The following OSBPL3 variants were observed in gnomAD, a reference collection of about 807,000 sequenced individuals.
OSBPL3 encodes oxysterol binding protein like 3, also known as oxysterol-binding protein-related protein 3.
OSBPL3 carries 65 observed loss-of-function variants against 120.1 expected under a neutral mutation model. That is an observed-to-expected ratio of 0.54 (90% CI 0.44 to 0.67). The LOEUF (loss-of-function observed/expected upper bound fraction) is 0.67, where lower values mean the gene tolerates loss of function less well. OSBPL3 is among the 30% of genes least tolerant of loss of function. OSBPL3 has a pLI of 0.00. For synonymous variants in OSBPL3, 416 were observed against 402.6 expected, an observed-to-expected ratio of 1.03 and a Z score of -0.40; for missense variants, 1,004 against 1,082.1, an observed-to-expected ratio of 0.93 and a Z score of 1.01.
chr7:24,951,796 C>T (rs1431029881), intron 1 of OSBPL3, among the ~76,000 whole-genome samples: 1 of 152,198 alleles, frequency 6.6e-6, no homozygotes, highest in African/African-American at 2.4e-5. Context: ...TCAGTCTAAA[C>T]AAACACAAAC....
intron 12 of OSBPL3, among the ~76,000 whole-genome samples, chr7:24,844,018 C>G (rs575115863): frequency 2.6e-5 from 4 of 152,190 alleles, no homozygotes; most frequent in Non-Finnish European, 5.9e-5. Flanking sequence ...CTGATGGGTC[C>G]AAAGATTTCC....
chr7:24,860,323 G>A (rs1014513440), intron 10 of OSBPL3, among the ~76,000 whole-genome samples: 1 of 152,112 alleles, frequency 6.6e-6, no homozygotes, highest in African/African-American at 2.4e-5. Flanking sequence ...TGGTTTGGCT[G>A]TGTCCCCACC....
intron 14 of OSBPL3, among the ~76,000 whole-genome samples, chr7:24,840,298 T>TGCAGAA (rs1797577839): frequency 6.6e-6 from 1 of 152,176 alleles, no homozygotes; most frequent in Non-Finnish European, 1.5e-5. Flanking sequence ...CTTCTGCCTC[T>TGCAGAA]GCTACCCTTG....
rs539500419 is a variant in OSBPL3, at chr7:24,966,242, T to C, written c.-150+13644A>G. On this transcript the variant is annotated intron_variant, in intron 1 of 22. Transcript: ENST00000313367. This position sits in a 1 kb window ranked among gnomAD's most constrained non-coding sequence, Gnocchi z 4.8. ...ACCTGCGGAGACCACACACTGCACA[T>C]TTTACAAAAGAAACCAAACTCCCAC... 3.3e-5 allele frequency among the ~76,000 whole-genome samples: 5 copies of C among 152,268 alleles called. No individual in the cohort carries two copies. In the East Asian group the frequency reaches 7.7e-4, roughly 24 times the overall value.
intron 12 of OSBPL3, among the ~76,000 whole-genome samples, chr7:24,845,911 G>A (rs1055396278): frequency 2.0e-5 from 3 of 152,180 alleles, no homozygotes; most frequent in African/African-American, 4.8e-5. Flanking sequence ...AGCTACTTGG[G>A]AGGCCAAAGC....
Position 24,820,937 on chromosome 7 carries a change from A to G in OSBPL3, c.1885-699T>C, listed in dbSNP as rs1452727692. ...AATAAGTAATCTCATTCCAGAAAAG[A>G]GAATCCCCTGGAGCAGAGAGTGCCC... On this transcript the variant is annotated intron_variant, in intron 16 of 22. Coordinates refer to ENST00000313367, the MANE Select transcript of OSBPL3 (RefSeq NM_015550.4). The surrounding 1 kb of genome is among the most constrained non-coding windows in gnomAD (Gnocchi z 4.6). 6.6e-6 allele frequency among the ~76,000 whole-genome samples: 1 copy of G among 152,228 alleles called. No individual in the cohort carries two copies. The highest frequency in any genetic ancestry group is 1.5e-5 in the Non-Finnish European group (1 of 68,030).
In OSBPL3 at chr7:24,804,544, CCTATA is replaced by C. The variant is rs1792794209; in HGVS notation, c.2445-112_2445-108del. On this transcript the variant is annotated intron_variant, in intron 21 of 22. Transcript: ENST00000313367. This position sits in a 1 kb window ranked among gnomAD's most constrained non-coding sequence, Gnocchi z 5.4. ...CACGACTGGATATTCAAAATCCTCT[CCTATA>C]CGTAAGACCCCGCCCCAACCGTTTA... 1 of 1,062,838 alleles carries C rather than the reference CCTATA, an allele frequency of 9.4e-7. No homozygotes were observed. The highest frequency in any genetic ancestry group is 1.5e-5 in the South Asian group (1 of 66,524). 65.8% of individuals were successfully genotyped at this position (1,062,838 alleles called of 1,614,324 possible).
Position 24,819,534 on chromosome 7 carries a change from G to C in OSBPL3, c.1948+641C>G, listed in dbSNP as rs543853766. On this transcript the variant is annotated intron_variant, in intron 17 of 22. Transcript: ENST00000313367. This position sits in a 1 kb window ranked among gnomAD's most constrained non-coding sequence, Gnocchi z 4.1. ...TGTTTCGTACTTTTAAAGTTTAATAGACTGCGTGTGTGTGTGTGCCTGTGT... is the reference window on the plus strand; with the variant it reads ...TGTTTCGTACTTTTAAAGTTTAATACACTGCGTGTGTGTGTGTGCCTGTGT... Among the ~76,000 whole-genome samples, 69 of 152,158 alleles carry C rather than the reference G, an allele frequency of 4.5e-4. No homozygotes were observed. The highest frequency in any genetic ancestry group is 1.2e-3 in the Admixed American group (18 of 15,274).
intron 5 of OSBPL3, 92 bp downstream of exon 5, chr7:24,870,640 G>T: frequency 2.6e-6 from 2 of 780,796 alleles, no homozygotes; most frequent in Non-Finnish European, 2.3e-6. Context: ...TCTACATGTT[G>T]GCCGAATACC....
rs1814525752 is a variant in OSBPL3 at position 24,952,221 on chromosome 7, A to G, written c.-150+27665T>C. 6.6e-6 allele frequency among the ~76,000 whole-genome samples: 1 copy of G among 152,230 alleles called. No homozygotes were observed. ...GCACAAAATTCTGCTCAATAGGCTGATATTTCATGTGGGTTAGGATCTGTA... is the reference window on the plus strand; with the variant it reads ...GCACAAAATTCTGCTCAATAGGCTGGTATTTCATGTGGGTTAGGATCTGTA... On this transcript the variant is annotated intron_variant, in intron 1 of 22. Coordinates refer to ENST00000313367, the MANE Select transcript of OSBPL3 (RefSeq NM_015550.4). This position sits in a 1 kb window ranked among gnomAD's most constrained non-coding sequence, Gnocchi z 4.4.
At position 24,817,378 on chromosome 7, in the gene OSBPL3, G is replaced by A. The variant is rs10951030; in HGVS notation, c.1949-690C>T. ...TTAAAAATACAAAAATTAGCTGGGC[G>A]TTGTGGTGGGTGCCTGTAGTCCCAG... On this transcript the variant is annotated intron_variant, in intron 17 of 22. Coordinates refer to ENST00000313367, the MANE Select transcript of OSBPL3 (RefSeq NM_015550.4). This position sits in a 1 kb window ranked among gnomAD's most constrained non-coding sequence, Gnocchi z 4.0. Among the ~76,000 whole-genome samples the A allele has an allele frequency of 0.13, 19,339 of 152,094 alleles. 1,808 individuals are homozygous for A. The highest frequency in any genetic ancestry group is 0.51 in the East Asian group (2,637 of 5,174).
chr7:24,897,118 C>A (rs1806261499), intron 1 of OSBPL3, among the ~76,000 whole-genome samples: 1 of 150,970 alleles, frequency 6.6e-6, no homozygotes, highest in South Asian at 2.1e-4. Context: ...GGCAGGCAGG[C>A]AGGCAAGAAG....
intron 19 of OSBPL3, among the ~76,000 whole-genome samples, chr7:24,812,552 T>G (rs925386457): frequency 5.3e-5 from 8 of 152,180 alleles, no homozygotes; most frequent in African/African-American, 1.7e-4. Flanking sequence ...TAGAGTTGGT[T>G]TTTTTTGTTT....
chr7:24,968,437 C>A lies in OSBPL3; in HGVS notation c.-150+11449G>T, dbSNP rs1816630215. Among the ~76,000 whole-genome samples, 1 of 152,178 alleles carries A rather than the reference C, an allele frequency of 6.6e-6. No individual in the cohort carries two copies. The highest frequency in any genetic ancestry group is 2.1e-4 in the South Asian group (1 of 4,838). On this transcript the variant is annotated intron_variant, in intron 1 of 22. Coordinates refer to ENST00000313367, the MANE Select transcript of OSBPL3 (RefSeq NM_015550.4). The surrounding 1 kb of genome is among the most constrained non-coding windows in gnomAD (Gnocchi z 4.6). ...TTTGAGTCGGAGTCTCCCTCTGTCACCCAGACTGGAGTGCAGTGGCGTGAT... is the reference window on the plus strand; with the variant it reads ...TTTGAGTCGGAGTCTCCCTCTGTCAACCAGACTGGAGTGCAGTGGCGTGAT...
rs751556878 is a variant in OSBPL3 at position 24,804,367 on chromosome 7, T to C, written c.2515A>G (p.Arg839Gly). 1 of 1,614,136 alleles carries C rather than the reference T, an allele frequency of 6.2e-7. No homozygotes were observed. The highest frequency in any genetic ancestry group is 2.2e-5 in the East Asian group (1 of 44,886). The change falls in exon 22 of 23, where the codon AGG (arginine) becomes GGG (glycine). Residue 839 changes from arginine to glycine, a missense_variant. Arg to Gly is a moderately radical substitution (Grantham distance 125). This residue lies in a region of OSBPL3 where 473 missense variants were observed against 568.0 expected (regional missense o/e 0.83). Coordinates refer to ENST00000313367, the MANE Select transcript of OSBPL3 (RefSeq NM_015550.4). The surrounding 1 kb of genome is among the most constrained non-coding windows in gnomAD (Gnocchi z 5.4). ...KQRIEQLQRE[R>G]RRVLEENHVE... is the part of the protein sequence containing the mutation. ...TGATTTTCTTCTAAGACCCGCCGCC[T>C]TTCTCTCTGCAGTTGTTCAATCCTC...
rs1324638117 is a variant in OSBPL3 at position 24,959,783 on chromosome 7, C to A, written c.-150+20103G>T. On this transcript the variant is annotated intron_variant, in intron 1 of 22. Coordinates refer to ENST00000313367, the MANE Select transcript of OSBPL3 (RefSeq NM_015550.4). This position sits in a 1 kb window ranked among gnomAD's most constrained non-coding sequence, Gnocchi z 4.3. ...TCAGGAATAAATGTTTTTCTAAATG[C>A]TGACATGCTTATCGGCCACTTGTAA... Among the ~76,000 whole-genome samples, 20 of 152,254 alleles carry A rather than the reference C, an allele frequency of 1.3e-4. No homozygotes were observed. Among genetic ancestry groups the A allele is most frequent in the Non-Finnish European group, 1.5e-5 (1 of 68,010 alleles).
intron 1 of OSBPL3, among the ~76,000 whole-genome samples, chr7:24,908,010 A>C (rs76978681): frequency 0.035 from 5,318 of 152,320 alleles, 117 homozygotes; most frequent in Non-Finnish European, 0.054. Flanking sequence ...ATTTGGGATT[A>C]CTTATGTATT....
In OSBPL3 at chr7:24,806,200, G is replaced by A. The variant is rs1440540134; in HGVS notation, c.2444+576C>T. ...TTGAACTCCTGACTTCAAGTGATCC[G>A]CCCGCTTCGGCCTCCCAAAGTGTTG... On this transcript the variant is annotated intron_variant, in intron 21 of 22. Coordinates refer to ENST00000313367, the MANE Select transcript of OSBPL3 (RefSeq NM_015550.4). The surrounding 1 kb of genome is among the most constrained non-coding windows in gnomAD (Gnocchi z 5.2). Among the ~76,000 whole-genome samples, 2 of 152,156 alleles carry A rather than the reference G, an allele frequency of 1.3e-5. No homozygotes were observed. The highest frequency in any genetic ancestry group is 2.9e-5 in the Non-Finnish European group (2 of 68,016).
rs577304829 is a variant in OSBPL3 at position 24,828,005 on chromosome 7, G to C, written c.1884+2763C>G. ...CATTCCTCAGCCTCCTCTCTGCCTT[G>C]TCAACACTCCTCTTACTATTCTTTT... On this transcript the variant is annotated intron_variant, in intron 16 of 22. Transcript: ENST00000313367. 3.3e-5 allele frequency among the ~76,000 whole-genome samples: 5 copies of C among 152,200 alleles called. 1 individual carries two copies. In the South Asian group the frequency reaches 1.0e-3, roughly 32 times the overall value.
Sources: allele counts gnomAD v4.1 joint callset (sites outside exome capture counted in the v4.1 genomes callset), GRCh38; gene constraint gnomAD v4.1.1; regional missense constraint gnomAD v4.1.1; non-coding constraint Gnocchi (gnomAD v3.1); transcripts MANE v1.5; gene names NCBI Gene and HGNC (gene_info 2026-07-23, HGNC 2026-07-21).